The following DTNBP1 variants were observed in gnomAD, a reference collection of about 807,000 sequenced individuals.
DTNBP1 encodes dysbindin.
In DTNBP1, 35 loss-of-function variants were observed where a neutral mutation model predicts 42.8. The observed-to-expected ratio is 0.82, with a 90% CI of 0.63 to 1.09. The LOEUF is 1.09. Ranked by LOEUF, DTNBP1 falls within the 50% of genes least tolerant of loss-of-function variation. The pLI is 0.00. For missense variants in DTNBP1, 457 were observed against 424.2 expected (o/e 1.08, Z -0.68); for synonymous variants, 171 against 162.2 (o/e 1.05, Z -0.41).
At chr6:15,599,948 G>A (rs1010949688) in intron 6 of DTNBP1, among the ~76,000 whole-genome samples, 2 of 151,958 alleles carry the variant, frequency 1.3e-5, no homozygotes, top group African/African-American at 4.8e-5. Flanking sequence ...TCAATGGTTT[G>A]TCATTTATTA....
chr6:15,524,531 G>A lies in DTNBP1; in HGVS notation c.806C>T (p.Ala269Val), dbSNP rs1207640544. The change falls in exon 9 of 10, where the codon GCC becomes GTC. Residue 269 changes from alanine (A) to valine (V), a missense_variant. Physicochemically the swap from Ala to Val is moderately conservative, Grantham distance 64. Coordinates refer to ENST00000344537, the MANE Select transcript of DTNBP1 (RefSeq NM_032122.5). ...GGEENTVLSP[A>V]LGPESSTCQN... Reference sequence around the variant, plus strand: ...TGCAAGTTTGTCAACCCTACCTAAGGCGGGGGACAGCACAGTGTTCTCTTC... The same window carrying A: ...TGCAAGTTTGTCAACCCTACCTAAGACGGGGGACAGCACAGTGTTCTCTTC... 3.1e-6 allele frequency: 5 copies of A among 1,607,600 alleles called. No individual in the cohort carries two copies. The highest frequency in any genetic ancestry group is 4.3e-6 in the Non-Finnish European group (5 of 1,175,670).
chr6:15,570,597 G>A (rs762758974), intron 7 of DTNBP1, among the ~76,000 whole-genome samples: 5 of 152,276 alleles, frequency 3.3e-5, no homozygotes, highest in South Asian at 2.1e-4. Flanking sequence ...CCCCACCTTC[G>A]TTTTACACCA....
chr6:15,582,101 A>T (rs1775865583), intron 7 of DTNBP1, among the ~76,000 whole-genome samples: 2 of 152,222 alleles, frequency 1.3e-5, no homozygotes, highest in Admixed American at 1.3e-4. Context: ...TGAAATCTCA[A>T]TATGCTACTT....
rs564701673 is a variant in DTNBP1 at position 15,641,206 on chromosome 6, G to GGT, written c.162-3404_162-3403dup. Among the ~76,000 whole-genome samples, 487 of 152,206 alleles carry GGT rather than the reference G, an allele frequency of 3.2e-3. 3 individuals carry two copies. The highest frequency in any genetic ancestry group is 3.4e-3 in the Non-Finnish European group (230 of 67,988). On this transcript the variant is annotated intron_variant, in intron 3 of 9. Transcript: ENST00000344537. ...CAGATGCAATTGTTTTTTGTTTTGT[G>GGT]GTGTGTGTGCGTGTTTTTGTTTTTG...
At chr6:15,629,759 G>A (rs575839940) in intron 4 of DTNBP1, among the ~76,000 whole-genome samples, 24 of 152,290 alleles carry the variant, frequency 1.6e-4, no homozygotes, top group African/African-American at 5.8e-4. Context: ...AAATTGAGGT[G>A]TAATGAAGTT....
chr6:15,579,784 G>A, intron 7 of DTNBP1: 1 of 449,442 alleles, frequency 2.2e-6, no homozygotes, highest in African/African-American at 2.0e-5. Context: ...CTCCAGCCTG[G>A]CCGACAGAGT....
chr6:15,585,586 T>G (rs1330305143), intron 7 of DTNBP1: 1 of 1,068,668 alleles, frequency 9.4e-7, no homozygotes, highest in African/African-American at 1.6e-5. Context: ...TCAAGTCAAG[T>G]TGAAATTTAA....
At chr6:15,662,223 G>T (rs983633983) in intron 1 of DTNBP1, among the ~76,000 whole-genome samples, 1 of 152,262 alleles carries the variant, frequency 6.6e-6, no homozygotes, top group Non-Finnish European at 1.5e-5. Context: ...TCGCCGAGGC[G>T]CTGAGCTCAC....
intron 7 of DTNBP1, chr6:15,548,482 C>CACACA (rs1774025095): frequency 7.1e-6 from 1 of 140,680 alleles, no homozygotes; most frequent in Non-Finnish European, 1.5e-5. Flanking sequence ...CACACACACA[C>CACACA]CACAATTCTT....
Position 15,652,129 on chromosome 6 carries a change from A to G in DTNBP1, c.68T>C (p.Leu23Ser), listed in dbSNP as rs372560190. 1.2e-6 allele frequency: 2 copies of G among 1,610,748 alleles called. No homozygotes were observed. The highest frequency in any genetic ancestry group is 1.3e-5 in the African/African-American group (1 of 74,872). The part of the protein sequence containing the change: ...QQDFTSGLKT[L>S]SDKSREAKVK... Reference sequence around the variant, plus strand: ...TTTTGCTTCTCTTGACTTGTCACTTAAAGTCTTCAGCCTATAATTCAATAT... The same window carrying G: ...TTTTGCTTCTCTTGACTTGTCACTTGAAGTCTTCAGCCTATAATTCAATAT... The change falls in exon 2 of 10, where the codon TTA becomes TCA. Residue 23 changes from leucine to serine, a missense_variant. By Grantham distance (145) the Leu-to-Ser change is moderately radical (BLOSUM62 -2). Coordinates refer to ENST00000344537, the MANE Select transcript of DTNBP1 (RefSeq NM_032122.5).
At chr6:15,630,689 T>C (rs934747451) in intron 4 of DTNBP1, among the ~76,000 whole-genome samples, 2 of 152,066 alleles carry the variant, frequency 1.3e-5, no homozygotes, top group Non-Finnish European at 2.9e-5. Context: ...AGGCTGAGGC[T>C]GGCGGATCAT....
intron 7 of DTNBP1, among the ~76,000 whole-genome samples, chr6:15,556,939 T>C (rs958835794): frequency 6.6e-6 from 1 of 152,176 alleles, no homozygotes; most frequent in Non-Finnish European, 1.5e-5. Context: ...ACTGCTTCTT[T>C]GACTTGAAAA....
At chr6:15,646,308 T>C (rs1452474611) in intron 3 of DTNBP1, among the ~76,000 whole-genome samples, 1 of 150,658 alleles carries the variant, frequency 6.6e-6, no homozygotes, top group African/African-American at 2.4e-5. Context: ...CTAGTATATA[T>C]AACCAAGGAA....
chr6:15,627,295 G>A lies in DTNBP1; in HGVS notation c.355+48C>T, dbSNP rs1195330354. 9.3e-6 allele frequency: 15 copies of A among 1,605,880 alleles called. No individual in the cohort carries two copies. In the Admixed American group the frequency reaches 2.2e-4, roughly 23 times the overall value. ...TGAAATTACACCAAACCCTGCCCAA[G>A]TTGTTTTCATTCCTAAAAGTAATGT... On this transcript the variant is annotated intron_variant, in intron 5 of 9. Transcript: ENST00000344537.
intron 5 of DTNBP1, among the ~76,000 whole-genome samples, chr6:15,621,071 T>C (rs1015700109): frequency 4.6e-5 from 7 of 152,230 alleles, no homozygotes; most frequent in African/African-American, 1.4e-4. Context: ...ACAAGATCTA[T>C]GGATCTATTA....
At chr6:15,611,064 G>A (rs552217108) in intron 6 of DTNBP1, among the ~76,000 whole-genome samples, 6 of 152,326 alleles carry the variant, frequency 3.9e-5, no homozygotes, top group African/African-American at 1.4e-4. Flanking sequence ...GCTAGAGAGA[G>A]GAAGTCCATG....
intron 7 of DTNBP1, among the ~76,000 whole-genome samples, chr6:15,578,567 T>TA (rs923038367): frequency 4.6e-5 from 7 of 152,142 alleles, no homozygotes; most frequent in African/African-American, 1.7e-4. Flanking sequence ...TGCATAGTAC[T>TA]AAAAAAATTA....
chr6:15,609,388 C>T (rs1297765349), intron 6 of DTNBP1, among the ~76,000 whole-genome samples: 9 of 151,724 alleles, frequency 5.9e-5, no homozygotes, highest in African/African-American at 1.9e-4. Context: ...GGTGCAATCT[C>T]GGCTCACTGC....
chr6:15,578,658 A>T (rs1053705251), intron 7 of DTNBP1, among the ~76,000 whole-genome samples: 3 of 152,248 alleles, frequency 2.0e-5, no homozygotes, highest in African/African-American at 7.2e-5. Context: ...AGTTAAAGTA[A>T]TAAGTAAACT....
Sources: gnomAD v4.1 joint callset for allele counts (sites outside exome capture counted in the v4.1 genomes callset) on GRCh38, gnomAD v4.1.1 for gene constraint, MANE v1.5 for transcripts, NCBI Gene and HGNC (gene_info 2026-07-23, HGNC 2026-07-21) for gene names.